Variants in CUX2 observed in about 807,000 individuals in gnomAD.
The protein encoded by CUX2 is cut like homeobox 2, also known as homeobox protein cut-like 2.
CUX2 carries 40 observed loss-of-function variants against 144.8 expected under a neutral mutation model. The observed-to-expected ratio is 0.28, with a 90% confidence interval of 0.21 to 0.36. The LOEUF (loss-of-function observed/expected upper bound fraction) is 0.36, where lower values mean the gene tolerates loss of function less well. Ranked by LOEUF, CUX2 falls within the 10% of genes least tolerant of loss-of-function variation. CUX2 has a pLI of 1.00. For missense variants in CUX2, 1,615 were observed against 1,994.0 expected, an observed-to-expected ratio of 0.81 and a Z score of 3.62; for synonymous variants, 827 against 875.6, an observed-to-expected ratio of 0.94 and a Z score of 0.98.
intron 1 of CUX2, among the ~76,000 whole-genome samples, chr12:111,154,869 T>G (rs1877278450): frequency 6.6e-6 from 1 of 152,188 alleles, no homozygotes; most frequent in African/African-American, 2.4e-5. Context: ...GCCAGAGATG[T>G]GAGGACCTTC....
intron 1 of CUX2, among the ~76,000 whole-genome samples, chr12:111,141,069 G>A (rs11833337): frequency 0.014 from 2,143 of 152,244 alleles, 58 homozygotes; most frequent in African/African-American, 0.049. Flanking sequence ...AGAAATGCCC[G>A]CTGCCTTAGA....
intron 1 of CUX2, among the ~76,000 whole-genome samples, chr12:111,166,256 A>C (rs1286451473): frequency 6.6e-6 from 1 of 152,196 alleles, no homozygotes; most frequent in East Asian, 1.9e-4. Flanking sequence ...TTCTGGCCTC[A>C]AGCGATTCTC....
rs1885904505 is a variant in CUX2, at chr12:111,295,149, A to T, written c.561-184A>T. Among the ~76,000 whole-genome samples the T allele has an allele frequency of 6.6e-6, 1 of 152,226 alleles. No homozygotes were observed. On this transcript the variant is annotated intron_variant, in intron 6 of 21. Transcript: ENST00000261726. This position sits in a 1 kb window ranked among gnomAD's most constrained non-coding sequence, Gnocchi z 5.0. Reference sequence around the variant, plus strand: ...AACAGGAGCAGCCATGACAGGGTCCACATAGGCAGTGGAGCAGCAGGACAG... The same window carrying T: ...AACAGGAGCAGCCATGACAGGGTCCTCATAGGCAGTGGAGCAGCAGGACAG...
At chr12:111,234,645 A>T (rs1305865468) in intron 3 of CUX2, among the ~76,000 whole-genome samples, 1 of 151,896 alleles carries the variant, frequency 6.6e-6, no homozygotes, top group Non-Finnish European at 1.5e-5. Context: ...AGGTCTTGGC[A>T]TCAGGCAGAC....
At chr12:111,155,883 T>C (rs1877338328) in intron 1 of CUX2, among the ~76,000 whole-genome samples, 1 of 151,952 alleles carries the variant, frequency 6.6e-6, no homozygotes, top group Non-Finnish European at 1.5e-5. Context: ...CATTAGATTG[T>C]ACATTTGGAA....
chr12:111,336,424 TTGTGTGTGTG>T (rs57009074), intron 19 of CUX2, among the ~76,000 whole-genome samples: 174 of 146,060 alleles, frequency 1.2e-3, no homozygotes, highest in African/African-American at 4.0e-3. Flanking sequence ...CACTTCAGTG[TTGTGTGTGTG>T]TGTGTGTGTG....
intron 1 of CUX2, among the ~76,000 whole-genome samples, chr12:111,157,285 A>C: frequency 6.7e-6 from 1 of 149,850 alleles, no homozygotes; most frequent in Non-Finnish European, 1.5e-5. Context: ...TTCAATCTAT[A>C]AACATTTTGG....
Position 111,350,220 on chromosome 12 carries a change from C to G in CUX2, c.*1895C>G, listed in dbSNP as rs181840805. On this transcript the variant is annotated 3_prime_UTR_variant, in exon 22 of 22. Coordinates refer to ENST00000261726, the MANE Select transcript of CUX2 (RefSeq NM_015267.4). ...ACCACCCTGTTGCAATTAAGACAAC[C>G]GTGGGGGAACACACCACTTTTTACT... 1.3e-5 allele frequency: 2 copies of G among 152,478 alleles called. No homozygotes were observed. The highest frequency in any genetic ancestry group is 3.9e-4 in the East Asian group (2 of 5,188). The allele number at this position is 152,478 out of a possible 1,614,324, so 9.4% of individuals were successfully genotyped here. A position where few individuals can be genotyped will look rare whatever the true frequency, so the allele number is the denominator to read the frequency against.
At chr12:111,297,052 C>T (rs1299864670) in intron 8 of CUX2, among the ~76,000 whole-genome samples, 6 of 149,348 alleles carry the variant, frequency 4.0e-5, no homozygotes, top group Non-Finnish European at 8.9e-5. Context: ...TCCCTCTGAC[C>T]CTTCCAGACA....
At chr12:111,162,188 C>G (rs924114710) in intron 1 of CUX2, among the ~76,000 whole-genome samples, 6 of 152,264 alleles carry the variant, frequency 3.9e-5, no homozygotes, top group Non-Finnish European at 8.8e-5. Flanking sequence ...AAGCCCTGAA[C>G]TCTCTCTCAG....
intron 1 of CUX2, among the ~76,000 whole-genome samples, chr12:111,102,245 G>A (rs1873299268): frequency 4.6e-5 from 7 of 152,204 alleles, no homozygotes; most frequent in Admixed American, 2.0e-4. Context: ...GGTCTGGTGA[G>A]GTGGGCAGGG....
intron 8 of CUX2, 135 bp downstream of exon 8, chr12:111,296,674 TTGCCTCCACCCTCTGGCCATCCCA>T: frequency 1.6e-6 from 1 of 622,052 alleles, no homozygotes. Context: ...CCTCCAGTAC[TTGCCTCCACCCTCTGGCCATCCCA>T]GACACGCCTC....
chr12:111,106,489 G>A (rs1186235594), intron 1 of CUX2, among the ~76,000 whole-genome samples: 2 of 152,024 alleles, frequency 1.3e-5, no homozygotes, highest in African/African-American at 2.4e-5. Context: ...GAGGAGATGG[G>A]GTCTTGCTAT....
chr12:111,151,617 A>AATG (rs1235778608), intron 1 of CUX2, among the ~76,000 whole-genome samples: 9 of 152,128 alleles, frequency 5.9e-5, no homozygotes, highest in Non-Finnish European at 1.3e-4. Context: ...AAGACGACTG[A>AATG]CGCTTGGCTC....
chr12:111,173,653 G>C (rs553048023), intron 1 of CUX2, among the ~76,000 whole-genome samples: 21 of 152,302 alleles, frequency 1.4e-4, no homozygotes, highest in African/African-American at 5.1e-4. Flanking sequence ...CTCATGTTGG[G>C]GTGTTGGTCT....
intron 1 of CUX2, among the ~76,000 whole-genome samples, chr12:111,143,176 G>A (rs563339603): frequency 6.6e-6 from 1 of 152,256 alleles, no homozygotes; most frequent in Non-Finnish European, 1.5e-5. Flanking sequence ...CTGGTATCCA[G>A]CAACCAGCAA....
chr12:111,204,526 G>C (rs1880796858), intron 1 of CUX2, among the ~76,000 whole-genome samples: 2 of 152,196 alleles, frequency 1.3e-5, no homozygotes, highest in Non-Finnish European at 2.9e-5. Context: ...AGACAGTTTA[G>C]GGAAAGATTG....
chr12:111,162,762 A>C (rs1446908875), intron 1 of CUX2, among the ~76,000 whole-genome samples: 1 of 152,086 alleles, frequency 6.6e-6, no homozygotes, highest in Non-Finnish European at 1.5e-5. Context: ...ATTTGGGGTA[A>C]GGGCCAGGTG....
chr12:111,276,514 C>T (rs1884878732), intron 4 of CUX2, among the ~76,000 whole-genome samples: 1 of 152,202 alleles, frequency 6.6e-6, no homozygotes, highest in Admixed American at 6.6e-5. Context: ...TTCAAATCCA[C>T]CTCTGACTTT....
Sources: gnomAD v4.1 joint callset for allele counts (sites outside exome capture counted in the v4.1 genomes callset) on GRCh38, gnomAD v4.1.1 for gene constraint, Gnocchi (gnomAD v3.1) non-coding constraint, MANE v1.5 for transcripts, NCBI Gene and HGNC (gene_info 2026-07-23, HGNC 2026-07-21) for gene names.